RAB11B: variants seen among roughly 807,000 people sequenced by gnomAD.
RAB11B encodes RAB11B, member RAS oncogene family.
In RAB11B, 7 loss-of-function variants were observed where a neutral mutation model predicts 23.7. That is an observed-to-expected ratio of 0.29 (90% CI 0.17 to 0.55). The LOEUF is 0.55. RAB11B is among the 20% of genes least tolerant of loss of function. The pLI is 0.93. For synonymous variants in RAB11B, 138 were observed against 132.0 expected (o/e 1.05, Z -0.31); for missense variants, 189 against 320.0 (o/e 0.59, Z 3.12).
intron 1 of RAB11B, among the ~76,000 whole-genome samples, chr19:8,398,286 G>T (rs2913972): frequency 6.6e-6 from 1 of 152,100 alleles, no homozygotes; most frequent in African/African-American, 2.4e-5. Context: ...CCCCGTCCCT[G>T]GGTGCTGTTG....
At chr19:8,395,240 G>A (rs1048739954) in intron 1 of RAB11B, among the ~76,000 whole-genome samples, 8 of 150,666 alleles carry the variant, frequency 5.3e-5, no homozygotes, top group African/African-American at 7.3e-5. Flanking sequence ...TGGGCCACAC[G>A]CCTACATTCA....
rs916156498 is a variant in RAB11B at position 8,394,757 on chromosome 19, C to T, written c.40+4301C>T. Among the ~76,000 whole-genome samples the T allele has an allele frequency of 2.8e-4, 42 of 152,134 alleles. 1 individual carries two copies. Among genetic ancestry groups the T allele is most frequent in the African/African-American group, 9.9e-4 (41 of 41,434 alleles). On this transcript the variant is annotated intron_variant, in intron 1 of 4. Coordinates refer to ENST00000328024, the MANE Select transcript of RAB11B (RefSeq NM_004218.4). Reference sequence around the variant, plus strand: ...ACAGCCTGGCCAACATGGCAAAACCCCACCTCTACTAAAAATACAAAAATT... The same window carrying T: ...ACAGCCTGGCCAACATGGCAAAACCTCACCTCTACTAAAAATACAAAAATT...
intron 1 of RAB11B, among the ~76,000 whole-genome samples, chr19:8,397,140 C>T (rs984886365): frequency 1.8e-4 from 28 of 152,206 alleles, no homozygotes; most frequent in African/African-American, 6.5e-4. Flanking sequence ...GGTAGGTGAG[C>T]GGTGGGTGAG....
chr19:8,402,362 C>A, intron 3 of RAB11B, 83 bp downstream of exon 3: 1 of 1,530,502 alleles, frequency 6.5e-7, no homozygotes, highest in Non-Finnish European at 8.8e-7. Flanking sequence ...GGCCACAGCC[C>A]TGGCTTCCCT....
At chr19:8,402,644 T>C in intron 4 of RAB11B, 79 bp downstream of exon 4, 2 of 1,163,658 alleles carry the variant, frequency 1.7e-6, no homozygotes, top group Admixed American at 4.0e-5. Flanking sequence ...TCGCTTGTTT[T>C]GTTCGTTTGC....
intron 1 of RAB11B, among the ~76,000 whole-genome samples, chr19:8,393,716 C>T (rs1341871521): frequency 7.3e-6 from 1 of 136,526 alleles, no homozygotes; most frequent in Non-Finnish European, 1.6e-5. Context: ...TGCTTAGGAC[C>T]AGCTTCCAGG....
intron 1 of RAB11B, among the ~76,000 whole-genome samples, chr19:8,395,392 G>A (rs1490189089): frequency 6.6e-6 from 1 of 150,440 alleles, no homozygotes; most frequent in African/African-American, 2.5e-5. Flanking sequence ...TCTTGCCTCA[G>A]CCTCCACCAC....
At chr19:8,393,186 T>C (rs940394834) in intron 1 of RAB11B, among the ~76,000 whole-genome samples, 3 of 152,138 alleles carry the variant, frequency 2.0e-5, no homozygotes, top group African/African-American at 7.2e-5. Context: ...TAACATTTTC[T>C]CCTTTAGCCA....
chr19:8,403,359 G>C (rs532719782), intron 4 of RAB11B, 54 bp from the exon 5 acceptor site: 3 of 1,571,434 alleles, frequency 1.9e-6, no homozygotes, highest in East Asian at 2.3e-5. Flanking sequence ...GGTTCCCCTC[G>C]GCAGGCAGGG....
rs896501169 is a variant in RAB11B at position 8,396,554 on chromosome 19, G to T, written c.41-3309G>T. Reference sequence around the variant, plus strand: ...TTCTTGGCCAAGTGGCATTTAAGGGGCCACACGAAGGGGATGAGGGAGGGA... The same window carrying T: ...TTCTTGGCCAAGTGGCATTTAAGGGTCCACACGAAGGGGATGAGGGAGGGA... On this transcript the variant is annotated intron_variant, in intron 1 of 4. Coordinates refer to ENST00000328024, the MANE Select transcript of RAB11B (RefSeq NM_004218.4). This position sits in a 1 kb window ranked among gnomAD's most constrained non-coding sequence, Gnocchi z 5.0. Among the ~76,000 whole-genome samples the T allele has an allele frequency of 4.6e-5, 7 of 152,162 alleles. No homozygotes were observed. Among genetic ancestry groups the T allele is most frequent in the African/African-American group, 1.7e-4 (7 of 41,452 alleles).
intron 1 of RAB11B, among the ~76,000 whole-genome samples, chr19:8,399,079 A>C (rs1196693030): frequency 6.6e-6 from 1 of 151,936 alleles, no homozygotes; most frequent in Non-Finnish European, 1.5e-5. Flanking sequence ...CAGCCTCCCA[A>C]GTAGCTGGGG....
In RAB11B at chr19:8,390,385, G is replaced by T; in HGVS notation, c.-32G>T. Reference sequence around the variant, plus strand: ...GTCGGGTGTTTGTGGTGGGGCTGCGGAGTCGCCGATCCCGCCGGAAGCGCC... The same window carrying T: ...GTCGGGTGTTTGTGGTGGGGCTGCGTAGTCGCCGATCCCGCCGGAAGCGCC... On this transcript the variant is annotated 5_prime_UTR_variant, in exon 1 of 5. Transcript: ENST00000328024. 1 of 1,527,056 alleles carries T rather than the reference G, an allele frequency of 6.5e-7. No homozygotes were observed. Among genetic ancestry groups the T allele is most frequent in the Non-Finnish European group, 8.8e-7 (1 of 1,141,182 alleles). 94.6% of individuals were successfully genotyped at this position (1,527,056 alleles called of 1,614,324 possible). A position where few individuals can be genotyped will look rare whatever the true frequency, so the allele number is the denominator to read the frequency against.
chr19:8,392,777 G>A (rs1306994836), intron 1 of RAB11B, among the ~76,000 whole-genome samples: 20 of 124,522 alleles, frequency 1.6e-4, no homozygotes, highest in Non-Finnish European at 2.4e-4. Context: ...TGCAGCCTCC[G>A]TCTCCCGGGT....
chr19:8,391,878 C>G (rs1198712206), intron 1 of RAB11B, among the ~76,000 whole-genome samples: 1 of 151,896 alleles, frequency 6.6e-6, no homozygotes, highest in African/African-American at 2.4e-5. Context: ...GGAAGTGCCT[C>G]TACAAGGGCC....
chr19:8,390,371 G>C lies in RAB11B; in HGVS notation c.-46G>C, dbSNP rs372737756. ...CCGGCTCCGCCCCCGTCGGGTGTTT[G>C]TGGTGGGGCTGCGGAGTCGCCGATC... On this transcript the variant is annotated 5_prime_UTR_variant, in exon 1 of 5. Coordinates refer to ENST00000328024, the MANE Select transcript of RAB11B (RefSeq NM_004218.4). 51 of 1,507,210 alleles carry C rather than the reference G, an allele frequency of 3.4e-5. No homozygotes were observed. The African/African-American group carries it at 5.7e-4, about 17-fold the overall frequency. The allele number at this position is 1,507,210 out of a possible 1,614,324, so 93.4% of individuals were successfully genotyped here.
rs191159176 is a variant in RAB11B, at chr19:8,402,677, G to A, written c.511+112G>A. 3.4e-4 allele frequency: 257 copies of A among 751,566 alleles called. No homozygotes were observed. In the African/African-American group the frequency reaches 6.2e-3, roughly 18 times the overall value. 46.6% of individuals were successfully genotyped at this position (751,566 alleles called of 1,614,324 possible). On this transcript the variant is annotated intron_variant, in intron 4 of 4. Coordinates refer to ENST00000328024, the MANE Select transcript of RAB11B (RefSeq NM_004218.4). ...TGCTTGTTTTTTTCTTTTTTTTGTC[G>A]GGGCAGGATGGATTTTTGCTCTTTG...
Position 8,403,591 on chromosome 19 carries a change from C to T in RAB11B, c.*33C>T, listed in dbSNP as rs548496605. 2.4e-3 allele frequency: 3,806 copies of T among 1,583,942 alleles called. 7 individuals are homozygous for T. Among genetic ancestry groups the T allele is most frequent in the Admixed American group, 3.0e-3 (175 of 58,812 alleles). ...GCCTCCACCCAGCGTGCGTGCACGT[C>T]CTCCGCCCGCCCCCGCCACGGTATC... On this transcript the variant is annotated 3_prime_UTR_variant, in exon 5 of 5. Coordinates refer to ENST00000328024, the MANE Select transcript of RAB11B (RefSeq NM_004218.4).
rs1392891353 is a variant in RAB11B at position 8,403,852 on chromosome 19, C to T, written c.*294C>T. 1.4e-5 allele frequency: 5 copies of T among 349,886 alleles called. No homozygotes were observed. Among genetic ancestry groups the T allele is most frequent in the East Asian group, 5.1e-5 (1 of 19,728 alleles). The allele number at this position is 349,886 out of a possible 1,614,324, so 21.7% of individuals were successfully genotyped here. ...GCTGGCCAGAGGCGAGGAGGACGGG[C>T]GGACGGCGCCGCCTTCTCCCCTTTT... On this transcript the variant is annotated 3_prime_UTR_variant, in exon 5 of 5. Coordinates refer to ENST00000328024, the MANE Select transcript of RAB11B (RefSeq NM_004218.4).
At chr19:8,392,701 T>A (rs2145506343) in intron 1 of RAB11B, among the ~76,000 whole-genome samples, 1 of 143,864 alleles carries the variant, frequency 7.0e-6, no homozygotes, top group East Asian at 2.0e-4. Context: ...TTTTTTTTTT[T>A]TTTTTTGAGA....
Sources: allele counts gnomAD v4.1 joint callset (sites outside exome capture counted in the v4.1 genomes callset), GRCh38; gene constraint gnomAD v4.1.1; non-coding constraint Gnocchi (gnomAD v3.1); transcripts MANE v1.5; gene names NCBI Gene and HGNC (gene_info 2026-07-23, HGNC 2026-07-21).